Variants in GFOD2 observed in about 807,000 individuals in gnomAD.
GFOD2 encodes Gfo/Idh/MocA-like oxidoreductase domain containing 2, also known as glucose-fructose oxidoreductase domain-containing protein 2.
In GFOD2, 9 loss-of-function variants were observed where a neutral mutation model predicts 24.6. The observed-to-expected ratio is 0.37, with a 90% CI of 0.22 to 0.64. The LOEUF (loss-of-function observed/expected upper bound fraction) is 0.64. GFOD2 is among the 30% of genes least tolerant of loss of function. The pLI is 0.65. For missense variants in GFOD2, 476 were observed against 532.5 expected (o/e 0.89, Z 1.04); for synonymous variants, 211 against 224.8 (o/e 0.94, Z 0.55).
intron 2 of GFOD2, chr16:67,681,375 G>A: frequency 1.0e-6 from 1 of 985,404 alleles, no homozygotes; most frequent in Non-Finnish European, 1.2e-6. Context: ...CATGCCTCAA[G>A]AGGTGAGGAA....
At chr16:67,679,881 C>T (rs552877778) in intron 2 of GFOD2, among the ~76,000 whole-genome samples, 3 of 149,992 alleles carry the variant, frequency 2.0e-5, no homozygotes, top group South Asian at 2.1e-4. Flanking sequence ...AGCGAGACTT[C>T]GTCTCAAAAA....
rs567964251 is a variant in GFOD2 at position 67,709,091 on chromosome 16, C to T, written c.-88+10072G>A. On this transcript the variant is annotated intron_variant, in intron 1 of 2. Coordinates refer to ENST00000268797, the MANE Select transcript of GFOD2 (RefSeq NM_030819.4). Reference sequence around the variant, plus strand: ...GCCGAGGCAAGTGGATCACTTGAGCCCAAGAGTTTGAGACCAGCCTGGGCA... The same window carrying T: ...GCCGAGGCAAGTGGATCACTTGAGCTCAAGAGTTTGAGACCAGCCTGGGCA... Among the ~76,000 whole-genome samples, 617 of 152,022 alleles carry T rather than the reference C, an allele frequency of 4.1e-3. 7 individuals carry two copies. The highest frequency in any genetic ancestry group is 5.5e-3 in the Non-Finnish European group (377 of 67,958).
chr16:67,702,008 A>T (rs2053405591), intron 1 of GFOD2, among the ~76,000 whole-genome samples: 1 of 152,100 alleles, frequency 6.6e-6, no homozygotes, highest in Non-Finnish European at 1.5e-5. Flanking sequence ...GCCACGACCC[A>T]CTGCCTATCA....
At chr16:67,709,806 G>A (rs920621724) in intron 1 of GFOD2, among the ~76,000 whole-genome samples, 2 of 151,944 alleles carry the variant, frequency 1.3e-5, no homozygotes, top group Non-Finnish European at 2.9e-5. Flanking sequence ...TGGTAGAGAC[G>A]GGGTTTCCCA....
At chr16:67,698,098 A>G (rs2053371071) in intron 1 of GFOD2, among the ~76,000 whole-genome samples, 1 of 152,206 alleles carries the variant, frequency 6.6e-6, no homozygotes, top group Admixed American at 6.5e-5. Flanking sequence ...GCCAAGGGAA[A>G]GAACCAGGAA....
At chr16:67,676,159 C>A (rs1567652574) in intron 2 of GFOD2, 106 bp from the exon 3 acceptor site, 1 of 1,148,610 alleles carries the variant, frequency 8.7e-7, no homozygotes, top group South Asian at 1.6e-5. Context: ...ACTGCACGAA[C>A]TAATTTTTTT....
rs1412716479 is a variant in GFOD2 at position 67,675,385 on chromosome 16, T to G, written c.928A>C (p.Met310Leu). The G allele has an allele frequency of 1.9e-6, 3 of 1,613,428 alleles. No homozygotes were observed. The highest frequency in any genetic ancestry group is 1.7e-6 in the Non-Finnish European group (2 of 1,179,968). Residue 310 changes from methionine (M) to leucine (L), a missense_variant, in exon 3 of 3, where the codon ATG (methionine) becomes CTG (leucine). Met to Leu is a conservative substitution (Grantham distance 15, BLOSUM62 2). Transcript: ENST00000268797. ...AAGGACTGGCGCAAGGCCTGCACCA[T>G]GTAGACCATGCCCTTCAGGTACAGC... Reference protein sequence around the residue: ...PLLYLKGMVYMVQALRQSFQG... With the variant: ...PLLYLKGMVYLVQALRQSFQG...
Position 67,680,764 on chromosome 16 carries a change from T to C in GFOD2, c.259+4693A>G, listed in dbSNP as rs995636254. 16 of 960,692 alleles carry C rather than the reference T, an allele frequency of 1.7e-5. No homozygotes were observed. In the Admixed American group the frequency reaches 3.7e-4, roughly 22 times the overall value. 59.5% of individuals were successfully genotyped at this position (960,692 alleles called of 1,614,324 possible). ...TCAATTTATTTATTTATTTTTTTAA[T>C]ACATATTTTGTTATTATACTTTAAG... On this transcript the variant is annotated intron_variant, in intron 2 of 2. Coordinates refer to ENST00000268797, the MANE Select transcript of GFOD2 (RefSeq NM_030819.4).
At chr16:67,701,785 T>TAA (rs1423659211) in intron 1 of GFOD2, among the ~76,000 whole-genome samples, 11 of 132,518 alleles carry the variant, frequency 8.3e-5, no homozygotes, top group Non-Finnish European at 9.8e-5. Flanking sequence ...TGACCCCACT[T>TAA]AAAAAAAAAA....
At chr16:67,689,270 C>T (rs1479742941) in intron 1 of GFOD2, among the ~76,000 whole-genome samples, 1 of 147,062 alleles carries the variant, frequency 6.8e-6, no homozygotes, top group East Asian at 2.1e-4. Context: ...AACTCCTGAG[C>T]TCAAGCGACC....
intron 1 of GFOD2, among the ~76,000 whole-genome samples, chr16:67,708,493 G>A (rs2053452940): frequency 6.6e-6 from 1 of 152,202 alleles, no homozygotes; most frequent in Admixed American, 6.5e-5. Flanking sequence ...CAGATGTTAG[G>A]AAGTCCTCAC....
intron 1 of GFOD2, among the ~76,000 whole-genome samples, chr16:67,688,198 GT>G (rs149670200): frequency 6.6e-6 from 1 of 151,588 alleles, no homozygotes; most frequent in Non-Finnish European, 1.5e-5. Context: ...GAAGTATGGG[GT>G]TTTTTTTAAA....
intron 1 of GFOD2, among the ~76,000 whole-genome samples, chr16:67,713,909 CCAGTTAACT>C (rs1211080764): frequency 6.6e-6 from 1 of 152,040 alleles, no homozygotes; most frequent in Non-Finnish European, 1.5e-5. Context: ...CTGCCAGCCA[CCAGTTAACT>C]CATTAGCATA....
rs577478080 is a variant in GFOD2, at chr16:67,685,721, CCT to C, written c.-8_-7del. The C allele has an allele frequency of 1.0e-3, 1,633 of 1,607,566 alleles. 15 individuals are homozygous for C. In the African/African-American group the frequency reaches 0.02, roughly 20 times the overall value. ...ACTCCTGGCAGCATCTTCATCCCAG[CCT>C]CTCTCTTTACCAACTCATCTCCTCA... On this transcript the variant is annotated 5_prime_UTR_variant, in exon 2 of 3. Coordinates refer to ENST00000268797, the MANE Select transcript of GFOD2 (RefSeq NM_030819.4).
At position 67,685,649 on chromosome 16, in the gene GFOD2, G is replaced by A; in HGVS notation, c.67C>T (p.Leu23=). 1 of 1,614,128 alleles carries A rather than the reference G, an allele frequency of 6.2e-7. No individual in the cohort carries two copies. Among genetic ancestry groups the A allele is most frequent in the Non-Finnish European group, 8.5e-7 (1 of 1,180,020 alleles). ...TCAACAGTGAACCCTTCTGCCCTCA[G>A]CAGTGGGACCAGAACTCGGGCGGAG... ...GSSARVLVPL[L]RAEGFTVEAL... Residue 23 remains leucine, a synonymous_variant, in exon 2 of 3, where the codon CTG becomes TTG. Coordinates refer to ENST00000268797, the MANE Select transcript of GFOD2 (RefSeq NM_030819.4).
At chr16:67,686,786 A>T (rs2053270157) in intron 1 of GFOD2, among the ~76,000 whole-genome samples, 1 of 151,496 alleles carries the variant, frequency 6.6e-6, no homozygotes, top group Non-Finnish European at 1.5e-5. Context: ...CAGTGAGCCA[A>T]GATCACACCA....
At chr16:67,682,748 T>A in intron 2 of GFOD2, 3 of 985,186 alleles carry the variant, frequency 3.0e-6, no homozygotes, top group Non-Finnish European at 3.6e-6. Flanking sequence ...AATATAAAGC[T>A]CTAGCAAGGA....
In GFOD2 at chr16:67,675,672, A is replaced by G. The variant is rs369017558; in HGVS notation, c.641T>C (p.Ile214Thr). The G allele has an allele frequency of 1.8e-5, 29 of 1,613,732 alleles. No homozygotes were observed. Among genetic ancestry groups the G allele is most frequent in the Non-Finnish European group, 2.4e-5 (28 of 1,180,048 alleles). ...GAAGTCATCGCTAGTGACGTGCCGG[A>G]TGCCACGGATGGCAGCGTTCTGCCT... is the stretch of plus-strand genomic sequence containing the variant. ...FVRQNAAIRG[I>T]RHVTSDDFCF... The change falls in exon 3 of 3, where the codon ATC becomes ACC. Residue 214 changes from isoleucine to threonine, a missense_variant. Ile to Thr is a moderately conservative substitution (Grantham distance 89, BLOSUM62 -1). Coordinates refer to ENST00000268797, the MANE Select transcript of GFOD2 (RefSeq NM_030819.4).
intron 2 of GFOD2, 53 bp from the exon 3 acceptor site, chr16:67,676,106 C>T: frequency 2.0e-6 from 3 of 1,496,768 alleles, no homozygotes; most frequent in Admixed American, 2.0e-5. Flanking sequence ...GAATCTCCAG[C>T]ATGTCCGCCT....
Sources: gnomAD v4.1 joint callset for allele counts (sites outside exome capture counted in the v4.1 genomes callset) on GRCh38, gnomAD v4.1.1 for gene constraint, MANE v1.5 for transcripts, NCBI Gene and HGNC (gene_info 2026-07-23, HGNC 2026-07-21) for gene names.